NSD3: variants seen among roughly 807,000 people sequenced by gnomAD.
The protein encoded by NSD3 is nuclear receptor binding SET domain protein 3, also known as histone-lysine N-methyltransferase NSD3.
A neutral mutation model predicts 160.8 loss-of-function variants in NSD3; 24 were observed. That is an observed-to-expected ratio of 0.15 (90% CI 0.11 to 0.21). The LOEUF (loss-of-function observed/expected upper bound fraction) is 0.21. NSD3 is among the 10% of genes least tolerant of loss of function. The pLI, the probability that NSD3 is intolerant of heterozygous loss-of-function variation, is 1.00. For missense variants in NSD3, 1,157 were observed against 1,735.9 expected (o/e 0.67, Z 5.93); for synonymous variants, 520 against 600.0 (o/e 0.87, Z 1.95).
chr8:38,361,301 G>A (rs1810954271), intron 1 of NSD3, among the ~76,000 whole-genome samples: 1 of 138,252 alleles, frequency 7.2e-6, no homozygotes, highest in African/African-American at 2.7e-5. Context: ...GCCTAATTTT[G>A]CTATTTTTAG....
At chr8:38,314,151 G>C (rs1309768731) in intron 12 of NSD3, among the ~76,000 whole-genome samples, 1 of 152,124 alleles carries the variant, frequency 6.6e-6, no homozygotes, top group East Asian at 1.9e-4. Context: ...ATATAAACTA[G>C]CATATTTATT....
intron 12 of NSD3, among the ~76,000 whole-genome samples, chr8:38,314,305 T>C (rs1370923141): frequency 6.6e-6 from 1 of 152,242 alleles, no homozygotes; most frequent in Non-Finnish European, 1.5e-5. Context: ...CTGATACTTC[T>C]TCCAGTCTCT....
At position 38,329,554 on chromosome 8, in the gene NSD3, C is replaced by T. The variant is rs1419215944; in HGVS notation, c.1405G>A (p.Ala469Thr). The T allele has an allele frequency of 6.2e-7, 1 of 1,614,080 alleles. No homozygotes were observed. Among genetic ancestry groups the T allele is most frequent in the African/African-American group, 1.3e-5 (1 of 74,926 alleles). Reference protein sequence around the residue: ...EEEEPPPVKIAWKTAAARKSL... With the variant: ...EEEEPPPVKITWKTAAARKSL... ...TTCCTTGCTGCCGCAGTTTTCCAGG[C>T]TATTTTAACAGGCGGTGGCTCTTCC... Residue 469 changes from alanine to threonine, a missense_variant, in exon 6 of 24, where the codon GCC becomes ACC. Physicochemically the swap from Ala to Thr is moderately conservative, Grantham distance 58. Transcript: ENST00000317025. The surrounding 1 kb of genome is among the most constrained non-coding windows in gnomAD (Gnocchi z 4.8).
At chr8:38,338,448 T>A in intron 3 of NSD3, 88 bp downstream of exon 3, 1 of 1,076,172 alleles carries the variant, frequency 9.3e-7, no homozygotes, top group Non-Finnish European at 1.4e-6. Context: ...AGAAGCGTAG[T>A]ACCAATACAA....
chr8:38,299,368 A>C, intron 15 of NSD3, 76 bp downstream of exon 15: 1 of 1,491,668 alleles, frequency 6.7e-7, no homozygotes, highest in Non-Finnish European at 9.0e-7. Context: ...ACAGGCATAC[A>C]TTTCCCCCCT....
At chr8:38,297,208 T>A (rs1357960196) in intron 15 of NSD3, among the ~76,000 whole-genome samples, 1 of 152,204 alleles carries the variant, frequency 6.6e-6, no homozygotes, top group Non-Finnish European at 1.5e-5. Context: ...CCAAGTTCCC[T>A]ATCAAAACTC....
Position 38,329,236 on chromosome 8 carries a change from CCA to C in NSD3, c.1581+140_1581+141del, listed in dbSNP as rs1389139219. On this transcript the variant is annotated intron_variant, in intron 6 of 23. Coordinates refer to ENST00000317025, the MANE Select transcript of NSD3 (RefSeq NM_023034.2). This position sits in a 1 kb window ranked among gnomAD's most constrained non-coding sequence, Gnocchi z 4.8. ...TAGCCTTTTTGCCTGTCTTTTTTGC[CCA>C]CAGAGTACAATGACTGTATGTTTCA... 4 of 1,035,420 alleles carry C rather than the reference CCA, an allele frequency of 3.9e-6. No individual in the cohort carries two copies. Among genetic ancestry groups the C allele is most frequent in the Non-Finnish European group, 5.5e-6 (4 of 729,712 alleles). 64.1% of individuals were successfully genotyped at this position (1,035,420 alleles called of 1,614,324 possible). A position where few individuals can be genotyped will look rare whatever the true frequency, so the allele number is the denominator to read the frequency against.
chr8:38,289,251 G>C (rs954687195), intron 18 of NSD3, 142 bp downstream of exon 18: 7 of 752,836 alleles, frequency 9.3e-6, no homozygotes, highest in Non-Finnish European at 1.5e-5. Flanking sequence ...ATTAGCAAAA[G>C]TTTGCACAAG....
rs1431371172 is a variant in NSD3 at position 38,305,340 on chromosome 8, G to C, written c.2348C>G (p.Pro783Arg). 39 of 1,614,044 alleles carry C rather than the reference G, an allele frequency of 2.4e-5. No homozygotes were observed. Among genetic ancestry groups the C allele is most frequent in the Non-Finnish European group, 3.2e-5 (38 of 1,180,040 alleles). ...TCCTTTTGATTCAAAGATGGCAGTGGGGAATTTGCGGACACAGGCTTCATG... is the reference window on the plus strand; with the variant it reads ...TCCTTTTGATTCAAAGATGGCAGTGCGGAATTTGCGGACACAGGCTTCATG... ...FYHEACVRKFPTAIFESKGFR... is the reference protein window; with the variant it reads ...FYHEACVRKFRTAIFESKGFR... Residue 783 changes from proline (P) to arginine (R), a missense_variant, in exon 13 of 24, where the codon CCC becomes CGC. Around this residue, in one of 10 missense-constraint regions of NSD3, gnomAD observed 437 missense variants for 576.6 expected, o/e 0.76. Transcript: ENST00000317025.
chr8:38,366,418 C>CTTT (rs374656504), intron 1 of NSD3, among the ~76,000 whole-genome samples: 4 of 132,194 alleles, frequency 3.0e-5, no homozygotes, highest in African/African-American at 1.1e-4. Flanking sequence ...CTACTTAATT[C>CTTT]TTTTTTTTTT....
At chr8:38,373,220 T>C (rs1270050021) in intron 1 of NSD3, among the ~76,000 whole-genome samples, 1 of 152,020 alleles carries the variant, frequency 6.6e-6, no homozygotes, top group African/African-American at 2.4e-5. Flanking sequence ...TTACCCGATG[T>C]TCACTTCTTT....
intron 23 of NSD3, 50 bp downstream of exon 23, chr8:38,276,244 CAT>C: frequency 6.4e-7 from 1 of 1,573,074 alleles, no homozygotes. Context: ...GTGAGTTACA[CAT>C]AGTTGGCAAA....
In NSD3 at chr8:38,271,692, G is replaced by C. The variant is rs980852363; in HGVS notation, c.*3949C>G. The C allele has an allele frequency of 2.6e-5, 4 of 152,186 alleles. No individual in the cohort carries two copies. The highest frequency in any genetic ancestry group is 2.6e-4 in the Admixed American group (4 of 15,278). 9.4% of individuals were successfully genotyped at this position (152,186 alleles called of 1,614,324 possible). A position where few individuals can be genotyped will look rare whatever the true frequency, so the allele number is the denominator to read the frequency against. ...CAACTTGGACAACTGGGGGAGGCTG[G>C]ATGCATCAGCCTTGTGAAAAGTAAC... On this transcript the variant is annotated 3_prime_UTR_variant, in exon 24 of 24. Transcript: ENST00000317025.
chr8:38,348,100 G>A lies in NSD3; in HGVS notation c.72C>T (p.Asp24=), dbSNP rs758455797. ...CATCCTCCTGACGGATGTTGGCGGA[G>A]TCAATGAGTTGAGGTGGTTGCTGAA... ...NTIQQPPQLI[D]SANIRQEDAF... Residue 24 remains aspartate (D), a synonymous_variant, in exon 2 of 24, where the codon GAC becomes GAT. Coordinates refer to ENST00000317025, the MANE Select transcript of NSD3 (RefSeq NM_023034.2). The A allele has an allele frequency of 6.8e-6, 11 of 1,613,898 alleles. No homozygotes were observed. In the South Asian group the frequency reaches 1.2e-4, roughly 18 times the overall value.
chr8:38,349,665 T>A (rs988316216), intron 1 of NSD3, among the ~76,000 whole-genome samples: 12 of 109,794 alleles, frequency 1.1e-4, no homozygotes, highest in Middle Eastern at 4.9e-3. Flanking sequence ...ATTTCTTTCT[T>A]TATATATATA....
rs1412179162 is a variant in NSD3, at chr8:38,290,536, A to G, written c.3057T>C (p.Tyr1019=). Residue 1019 remains tyrosine, a synonymous_variant, in exon 17 of 24, where the codon TAT becomes TAC. Transcript: ENST00000317025. ...CAGCAAAGCTTTTGTCTCCTTCAACATAAGGGAACACTCTGCCCTGGTGTA... is the reference window on the plus strand; with the variant it reads ...CAGCAAAGCTTTTGTCTCCTTCAACGTAAGGGAACACTCTGCCCTGGTGTA... ...YWVHQGRVFP[Y]VEGDKSFAEG... 8 of 1,614,036 alleles carry G rather than the reference A, an allele frequency of 5.0e-6. No homozygotes were observed. Among genetic ancestry groups the G allele is most frequent in the Middle Eastern group, 1.6e-4 (1 of 6,084 alleles).
In NSD3 at chr8:38,321,796, C is replaced by T. The variant is rs1809799821; in HGVS notation, c.1709-624G>A. On this transcript the variant is annotated intron_variant, in intron 7 of 23. Coordinates refer to ENST00000317025, the MANE Select transcript of NSD3 (RefSeq NM_023034.2). This position sits in a 1 kb window ranked among gnomAD's most constrained non-coding sequence, Gnocchi z 4.7. ...TCTGGAAATAATTAGTCGTGGAAAA[C>T]TAGTTGAAACAAATTATCAAGCTTT... is the stretch of plus-strand genomic sequence containing the variant. 6.6e-6 allele frequency among the ~76,000 whole-genome samples: 1 copy of T among 152,152 alleles called. No homozygotes were observed. Among genetic ancestry groups the T allele is most frequent in the Admixed American group, 6.5e-5 (1 of 15,270 alleles).
rs1170475067 is a variant in NSD3 at position 38,316,783 on chromosome 8, A to T, written c.1856-741T>A. On this transcript the variant is annotated intron_variant, in intron 9 of 23. Coordinates refer to ENST00000317025, the MANE Select transcript of NSD3 (RefSeq NM_023034.2). The surrounding 1 kb of genome is among the most constrained non-coding windows in gnomAD (Gnocchi z 4.5). ...TTGTGCGGGAAGAAATAAATAGGAA[A>T]AAAAAGGCAGAGAATAGTGTGGAAT... The T allele has an allele frequency of 4.7e-6, 5 of 1,060,360 alleles. No individual in the cohort carries two copies. Among genetic ancestry groups the T allele is most frequent in the Non-Finnish European group, 5.7e-6 (5 of 876,176 alleles). The allele number at this position is 1,060,360 out of a possible 1,614,324, so 65.7% of individuals were successfully genotyped here. A position where few individuals can be genotyped will look rare whatever the true frequency, so the allele number is the denominator to read the frequency against.
At chr8:38,350,097 C>T (rs113082827) in intron 1 of NSD3, among the ~76,000 whole-genome samples, 210 of 152,152 alleles carry the variant, frequency 1.4e-3, no homozygotes, top group African/African-American at 3.5e-3. Context: ...GTTGGACATT[C>T]GGGTTGGTTC....
Sources: allele counts gnomAD v4.1 joint callset (sites outside exome capture counted in the v4.1 genomes callset), GRCh38; gene constraint gnomAD v4.1.1; regional missense constraint gnomAD v4.1.1; non-coding constraint Gnocchi (gnomAD v3.1); transcripts MANE v1.5; gene names NCBI Gene and HGNC (gene_info 2026-07-23, HGNC 2026-07-21).